The following MBD5 variants were observed in gnomAD, a reference collection of about 807,000 sequenced individuals.
MBD5 encodes methyl-CpG-binding domain protein 5.
Under a neutral mutation model 117.3 loss-of-function variants are expected in MBD5, and 13 were observed. The ratio of observed to expected loss-of-function variants is 0.11; its 90% CI spans 0.07 to 0.18. The LOEUF (loss-of-function observed/expected upper bound fraction) is 0.18. MBD5 is among the 10% of genes least tolerant of loss of function. MBD5 has a pLI of 1.00. For missense variants in MBD5, 1,879 were observed against 2,093.8 expected, an observed-to-expected ratio of 0.90 and a Z score of 2.00; for synonymous variants, 727 against 766.4, an observed-to-expected ratio of 0.95 and a Z score of 0.85.
intron 1 of MBD5, among the ~76,000 whole-genome samples, chr2:148,077,217 CT>C (rs898156863): frequency 2.6e-5 from 4 of 152,260 alleles, no homozygotes; most frequent in Non-Finnish European, 4.4e-5. Context: ...AATAGTGTGC[CT>C]TTTGTTTAAT....
chr2:148,430,725 T>C (rs1031196029), intron 4 of MBD5, among the ~76,000 whole-genome samples: 4 of 152,140 alleles, frequency 2.6e-5, no homozygotes. Flanking sequence ...TTTATCAATA[T>C]GTTTTTTAAA....
chr2:148,458,337 G>T lies in MBD5; in HGVS notation c.-422G>T. The T allele has an allele frequency of 4.7e-6, 2 of 424,680 alleles. No individual in the cohort carries two copies. The highest frequency in any genetic ancestry group is 1.8e-4 in the South Asian group (2 of 11,182). 26.3% of individuals were successfully genotyped at this position (424,680 alleles called of 1,614,324 possible). A position where few individuals can be genotyped will look rare whatever the true frequency, so the allele number is the denominator to read the frequency against. On this transcript the variant is annotated 5_prime_UTR_variant, in exon 5 of 14. Transcript: ENST00000642680. ...AGGCGGGTACCTGGAAATATTAACC[G>T]ACTCACACTGTAAAAATGAGACCAG...
chr2:148,362,738 T>C (rs1703579159), intron 4 of MBD5, among the ~76,000 whole-genome samples: 1 of 152,084 alleles, frequency 6.6e-6, no homozygotes, highest in Admixed American at 6.5e-5. Context: ...ACAGGAGAAC[T>C]CCAGCTGGCA....
At chr2:148,223,216 C>A (rs1699734925) in intron 2 of MBD5, among the ~76,000 whole-genome samples, 2 of 151,706 alleles carry the variant, frequency 1.3e-5, no homozygotes, top group Admixed American at 1.3e-4. Context: ...GAAATACTGG[C>A]CTGTGGTTTT....
At chr2:148,206,038 G>C (rs893189318) in intron 2 of MBD5, among the ~76,000 whole-genome samples, 1 of 151,686 alleles carries the variant, frequency 6.6e-6, no homozygotes, top group African/African-American at 2.4e-5. Context: ...TGGGAGGATT[G>C]ATTGAGCCTG....
At chr2:148,108,947 C>A (rs1367059767) in intron 1 of MBD5, among the ~76,000 whole-genome samples, 1 of 152,068 alleles carries the variant, frequency 6.6e-6, no homozygotes, top group African/African-American at 2.4e-5. Context: ...AAAACAATAC[C>A]ATTTTCTTAT....
intron 5 of MBD5, among the ~76,000 whole-genome samples, chr2:148,460,041 C>T (rs1039416335): frequency 6.6e-6 from 1 of 152,086 alleles, no homozygotes; most frequent in Admixed American, 6.6e-5. Flanking sequence ...ATTGCCAGTG[C>T]TGTTAACAAA....
At chr2:148,159,962 A>G (rs1426664092) in intron 1 of MBD5, among the ~76,000 whole-genome samples, 1 of 152,152 alleles carries the variant, frequency 6.6e-6, no homozygotes, top group African/African-American at 2.4e-5. Flanking sequence ...CAAAATTGGC[A>G]CTCAAGAAGA....
At chr2:148,433,639 T>G (rs1237219126) in intron 4 of MBD5, among the ~76,000 whole-genome samples, 2 of 152,218 alleles carry the variant, frequency 1.3e-5, no homozygotes, top group African/African-American at 2.4e-5. Context: ...TCTGTTTATG[T>G]GATGACTCAC....
At chr2:148,100,023 A>C (rs570047630) in intron 1 of MBD5, among the ~76,000 whole-genome samples, 1 of 152,320 alleles carries the variant, frequency 6.6e-6, no homozygotes, top group South Asian at 2.1e-4. Context: ...CTGGAATATA[A>C]TGTGTTGAGT....
At chr2:148,333,956 T>C (rs1187649485) in intron 3 of MBD5, among the ~76,000 whole-genome samples, 3 of 152,170 alleles carry the variant, frequency 2.0e-5, no homozygotes, top group Non-Finnish European at 4.4e-5. Context: ...GAAAAGTACT[T>C]GGCCAGTTGT....
chr2:148,206,728 T>G (rs1289815821), intron 2 of MBD5, among the ~76,000 whole-genome samples: 1 of 152,118 alleles, frequency 6.6e-6, no homozygotes, highest in Non-Finnish European at 1.5e-5. Context: ...TGTCAAAACA[T>G]AAAGATGAAA....
chr2:148,373,168 A>G (rs1176185783), intron 4 of MBD5, among the ~76,000 whole-genome samples: 2 of 152,168 alleles, frequency 1.3e-5, no homozygotes, highest in Non-Finnish European at 2.9e-5. Context: ...TACCACAGGA[A>G]AGCAAGAAGG....
intron 4 of MBD5, among the ~76,000 whole-genome samples, chr2:148,433,933 C>T (rs1444373972): frequency 1.4e-5 from 2 of 145,314 alleles, no homozygotes; most frequent in Admixed American, 6.8e-5. Flanking sequence ...TTTCATTTTT[C>T]TTTTTTTTTT....
At chr2:148,365,328 A>T (rs1167930974) in intron 4 of MBD5, among the ~76,000 whole-genome samples, 1 of 152,236 alleles carries the variant, frequency 6.6e-6, no homozygotes, top group Non-Finnish European at 1.5e-5. Flanking sequence ...TCTCTGAGAC[A>T]CAGCCAAAGC....
chr2:148,446,900 T>C (rs1174716143), intron 4 of MBD5, among the ~76,000 whole-genome samples: 1 of 152,044 alleles, frequency 6.6e-6, no homozygotes, highest in African/African-American at 2.4e-5. Context: ...ATTTATTTGC[T>C]AACAGAAAAC....
intron 3 of MBD5, among the ~76,000 whole-genome samples, chr2:148,249,666 C>A (rs2106237300): frequency 6.6e-6 from 1 of 152,262 alleles, no homozygotes; most frequent in South Asian, 2.1e-4. Flanking sequence ...AAATATATAT[C>A]ATTTTTGTGT....
intron 1 of MBD5, among the ~76,000 whole-genome samples, chr2:148,106,236 G>T (rs1461743540): frequency 6.6e-6 from 1 of 151,724 alleles, no homozygotes; most frequent in Admixed American, 6.6e-5. Flanking sequence ...CTTCCATTTT[G>T]GGGTGTTCGT....
At chr2:148,134,299 T>C (rs1463342231) in intron 1 of MBD5, among the ~76,000 whole-genome samples, 1 of 152,158 alleles carries the variant, frequency 6.6e-6, no homozygotes, top group African/African-American at 2.4e-5. Flanking sequence ...TATATACATA[T>C]ATGTTGAAAT....
Sources: allele counts gnomAD v4.1 joint callset (sites outside exome capture counted in the v4.1 genomes callset), GRCh38; gene constraint gnomAD v4.1.1; transcripts MANE v1.5; gene names NCBI Gene and HGNC (gene_info 2026-07-23, HGNC 2026-07-21).